Variants in HELZ observed in about 807,000 individuals in gnomAD.
HELZ encodes ATP-dependent RNA helicase with zinc finger domain.
In HELZ, 23 loss-of-function variants were observed where a neutral mutation model predicts 218.2. The observed-to-expected ratio is 0.11, with a 90% CI of 0.08 to 0.15. The LOEUF (loss-of-function observed/expected upper bound fraction) is 0.15. Among genes scored for constraint, HELZ ranks in the 10% least tolerant of loss-of-function variants. HELZ has a pLI of 1.00. For missense variants in HELZ, 1,813 were observed against 2,353.7 expected (o/e 0.77, Z 4.75); for synonymous variants, 814 against 829.4 (o/e 0.98, Z 0.32).
intron 12 of HELZ, among the ~76,000 whole-genome samples, chr17:67,184,801 G>A (rs953877390): frequency 6.6e-6 from 1 of 150,380 alleles, no homozygotes; most frequent in African/African-American, 2.5e-5. Flanking sequence ...GGGCAACAGA[G>A]CAAGACTCTG....
At chr17:67,109,010 G>A in intron 29 of HELZ, 106 bp downstream of exon 29, 1 of 954,082 alleles carries the variant, frequency 1.0e-6, no homozygotes, top group Non-Finnish European at 1.6e-6. Flanking sequence ...GGTTTTGCTA[G>A]CATTATTTGA....
intron 9 of HELZ, among the ~76,000 whole-genome samples, chr17:67,192,795 C>G (rs1200737081): frequency 2.0e-5 from 3 of 152,124 alleles, no homozygotes; most frequent in Admixed American, 6.5e-5. Context: ...CAAGTTCTTA[C>G]AAAAAGAACC....
At chr17:67,089,091 T>C (rs1259126167) in intron 31 of HELZ, among the ~76,000 whole-genome samples, 3 of 152,166 alleles carry the variant, frequency 2.0e-5, no homozygotes, top group Admixed American at 2.0e-4. Flanking sequence ...CTTCAGGGGA[T>C]TACATTCTAA....
intron 22 of HELZ, among the ~76,000 whole-genome samples, chr17:67,136,990 C>T (rs1338949071): frequency 2.0e-5 from 3 of 152,054 alleles, no homozygotes; most frequent in Non-Finnish European, 2.9e-5. Context: ...TTTAATGATA[C>T]TATTGGAACC....
chr17:67,243,660 G>A (rs2041387887), intron 2 of HELZ, 124 bp downstream of exon 2: 1 of 152,120 alleles, frequency 6.6e-6, no homozygotes, highest in South Asian at 2.1e-4. Flanking sequence ...TAGACCCACT[G>A]ACTGAGTGAT....
At chr17:67,123,239 G>T in intron 25 of HELZ, 79 bp from the exon 26 acceptor site, 1 of 763,838 alleles carries the variant, frequency 1.3e-6, no homozygotes, top group Non-Finnish European at 2.0e-6. Context: ...TCATTCAACA[G>T]CAAAATATAT....
At chr17:67,222,290 T>C (rs1325858124) in intron 3 of HELZ, among the ~76,000 whole-genome samples, 3 of 152,192 alleles carry the variant, frequency 2.0e-5, no homozygotes, top group African/African-American at 7.2e-5. Flanking sequence ...ATCCAAAGAA[T>C]AGCCATTGGA....
At chr17:67,164,620 A>G (rs1181148583) in intron 15 of HELZ, among the ~76,000 whole-genome samples, 1 of 151,370 alleles carries the variant, frequency 6.6e-6, no homozygotes, top group African/African-American at 2.5e-5. Flanking sequence ...ACAATTAAAA[A>G]CTTTTTAAAA....
At chr17:67,156,186 A>G (rs2038837279) in intron 17 of HELZ, among the ~76,000 whole-genome samples, 1 of 151,926 alleles carries the variant, frequency 6.6e-6, no homozygotes, top group African/African-American at 2.4e-5. Context: ...CTTTTGTAAT[A>G]GTGTATGCAT....
Position 67,188,199 on chromosome 17 carries a change from G to T in HELZ, c.1162+120C>A. 2 of 916,000 alleles carry T rather than the reference G, an allele frequency of 2.2e-6. No homozygotes were observed. Among genetic ancestry groups the T allele is most frequent in the East Asian group, 2.5e-5 (1 of 40,312 alleles). The allele number at this position is 916,000 out of a possible 1,614,324, so 56.7% of individuals were successfully genotyped here. A position where few individuals can be genotyped will look rare whatever the true frequency, so the allele number is the denominator to read the frequency against. On this transcript the variant is annotated intron_variant, in intron 12 of 32. Transcript: ENST00000358691. This position sits in a 1 kb window ranked among gnomAD's most constrained non-coding sequence, Gnocchi z 4.1. ...ACACAGTAAATGAGTCAATTAAGTTGGGATTTTTTTCTTTATTACTATTCT... is the reference window on the plus strand; with the variant it reads ...ACACAGTAAATGAGTCAATTAAGTTTGGATTTTTTTCTTTATTACTATTCT...
At chr17:67,161,100 T>TA in intron 15 of HELZ, 24 bp from the exon 16 acceptor site, 1 of 1,543,006 alleles carries the variant, frequency 6.5e-7, no homozygotes. Context: ...AAATTTATGT[T>TA]AAACACATGC....
chr17:67,241,059 A>G (rs1653682952), intron 2 of HELZ, among the ~76,000 whole-genome samples: 1 of 152,224 alleles, frequency 6.6e-6, no homozygotes, highest in Admixed American at 6.5e-5. Flanking sequence ...GCTTCTAGCC[A>G]ATGCTACAGA....
intron 13 of HELZ, among the ~76,000 whole-genome samples, chr17:67,177,646 TA>T (rs369803110): frequency 5.2e-4 from 74 of 142,966 alleles, no homozygotes; most frequent in South Asian, 6.6e-4. Flanking sequence ...ACACAATTGA[TA>T]AAAAAAAAAA....
In HELZ at chr17:67,186,816, G is replaced by A. The variant is rs950912285; in HGVS notation, c.1162+1503C>T. 7.9e-5 allele frequency among the ~76,000 whole-genome samples: 12 copies of A among 152,290 alleles called. No homozygotes were observed. In the East Asian group the frequency reaches 2.1e-3, roughly 27 times the overall value. On this transcript the variant is annotated intron_variant, in intron 12 of 32. Transcript: ENST00000358691. The stretch of plus-strand genomic sequence containing the variant: ...TTATATTTGAGAGTAGGAAATGTAT[G>A]TTGTTCTCTCTTTATGACTTAAATC...
In HELZ at chr17:67,074,255, A is replaced by AC. The variant is rs2035963587; in HGVS notation, c.*3996_*3997insG. ...CTACCATTGAGGAGCTGGAGGGAAAAAAAAAAACACAATGGCTAGCTTACA... is the reference window on the plus strand; with the variant it reads ...CTACCATTGAGGAGCTGGAGGGAAAACAAAAAAACACAATGGCTAGCTTACA... On this transcript the variant is annotated 3_prime_UTR_variant, in exon 33 of 33. Transcript: ENST00000358691. The AC allele has an allele frequency of 6.6e-6, 1 of 151,698 alleles. No homozygotes were observed. The highest frequency in any genetic ancestry group is 2.4e-5 in the African/African-American group (1 of 41,288). The allele number at this position is 151,698 out of a possible 1,614,324, so 9.4% of individuals were successfully genotyped here.
At chr17:67,179,215 C>T (rs886630086) in intron 12 of HELZ, among the ~76,000 whole-genome samples, 6 of 151,984 alleles carry the variant, frequency 3.9e-5, no homozygotes, top group Admixed American at 6.6e-5. Flanking sequence ...ACATTTAGAA[C>T]TTAACTCTTC....
intron 3 of HELZ, among the ~76,000 whole-genome samples, chr17:67,221,021 T>A (rs1420304603): frequency 6.6e-6 from 1 of 152,138 alleles, no homozygotes; most frequent in Non-Finnish European, 1.5e-5. Flanking sequence ...CATACATTGA[T>A]GTGGGTGAAA....
intron 32 of HELZ, among the ~76,000 whole-genome samples, chr17:67,082,862 T>TG (rs1567784370): frequency 7.3e-6 from 1 of 137,270 alleles, no homozygotes. Context: ...TTTTTTTTGT[T>TG]TTTTTTTTTT....
chr17:67,177,115 C>T (rs2039482400), intron 13 of HELZ, among the ~76,000 whole-genome samples: 1 of 151,798 alleles, frequency 6.6e-6, no homozygotes, highest in African/African-American at 2.4e-5. Flanking sequence ...CCACATCATG[C>T]CTGATTATTT....
Sources: allele counts gnomAD v4.1 joint callset (sites outside exome capture counted in the v4.1 genomes callset), GRCh38; gene constraint gnomAD v4.1.1; non-coding constraint Gnocchi (gnomAD v3.1); transcripts MANE v1.5; gene names NCBI Gene and HGNC (gene_info 2026-07-23, HGNC 2026-07-21).